RGS5: variants seen among roughly 807,000 people sequenced by gnomAD.
RGS5 encodes the protein regulator of G-protein signalling 5.
RGS5 carries 20 observed loss-of-function variants against 18.9 expected under a neutral mutation model. That is an observed-to-expected ratio of 1.06 (90% CI 0.74 to 1.54). RGS5 has a LOEUF of 1.54. Ranked by LOEUF, RGS5 falls within the 40% of genes most tolerant of loss-of-function variation. RGS5 has a pLI of 0.00. For synonymous variants in RGS5, 57 were observed against 76.2 expected (o/e 0.75, Z 1.31); for missense variants, 201 against 211.8 (o/e 0.95, Z 0.32).
intron 1 of RGS5, among the ~76,000 whole-genome samples, chr1:163,184,342 G>A (rs1271681891): frequency 6.6e-6 from 1 of 150,584 alleles, no homozygotes; most frequent in Non-Finnish European, 1.5e-5. Context: ...AAAAAGACCT[G>A]AGAACTTGGA....
chr1:163,174,198 C>G (rs1399494730), intron 1 of RGS5, among the ~76,000 whole-genome samples: 2 of 152,198 alleles, frequency 1.3e-5, no homozygotes, highest in African/African-American at 4.8e-5. Context: ...TCAGAGCCCT[C>G]TGAATTTTCC....
rs368605156 is a variant in RGS5, at chr1:163,222,885, G to A, written c.-280-54517C>T. On this transcript the variant is annotated intron_variant, in intron 2 of 5. Coordinates refer to the RGS5 transcript ENST00000618415. ...TATTTATTTATATATTTTTTAAGACGGCCTCACTCTGTCACCCAGGCTGGA... is the reference window on the plus strand; with the variant it reads ...TATTTATTTATATATTTTTTAAGACAGCCTCACTCTGTCACCCAGGCTGGA... 7.3e-5 allele frequency among the ~76,000 whole-genome samples: 11 copies of A among 151,648 alleles called. No homozygotes were observed. In the South Asian group the frequency reaches 1.7e-3, roughly 23 times the overall value.
intron 2 of RGS5, among the ~76,000 whole-genome samples, chr1:163,266,930 A>C (rs1157821693): frequency 2.6e-5 from 4 of 152,184 alleles, no homozygotes; most frequent in Non-Finnish European, 5.9e-5. Context: ...TGAGTGAAAT[A>C]ATATCATATT....
At chr1:163,243,786 G>A (rs555790889) in intron 2 of RGS5, among the ~76,000 whole-genome samples, 2 of 148,924 alleles carry the variant, frequency 1.3e-5, no homozygotes, top group East Asian at 2.0e-4. Flanking sequence ...AAAAAAAGAA[G>A]GAGGAGGCAT....
chr1:163,306,110 C>T (rs1649691281), intron 2 of RGS5: 1 of 152,152 alleles, frequency 6.6e-6, no homozygotes, highest in Admixed American at 6.5e-5. Flanking sequence ...CAATGCTATT[C>T]CGTTATTCTC....
At chr1:163,153,724 C>T (rs894497428) in intron 3 of RGS5, among the ~76,000 whole-genome samples, 1 of 151,248 alleles carries the variant, frequency 6.6e-6, no homozygotes, top group African/African-American at 2.4e-5. Flanking sequence ...AACTATAAGA[C>T]TAAAATTATA....
At chr1:163,151,799 A>C (rs1365508272) in intron 4 of RGS5, among the ~76,000 whole-genome samples, 1 of 152,178 alleles carries the variant, frequency 6.6e-6, no homozygotes, top group Non-Finnish European at 1.5e-5. Flanking sequence ...TAGCAGTGAG[A>C]GAAAGGAATA....
intron 1 of RGS5, among the ~76,000 whole-genome samples, chr1:163,202,308 TATTA>T (rs1659802978): frequency 6.6e-6 from 1 of 152,184 alleles, no homozygotes; most frequent in African/African-American, 2.4e-5. Flanking sequence ...GCTTCATATA[TATTA>T]ATTCATTCAG....
intron 2 of RGS5, among the ~76,000 whole-genome samples, chr1:163,242,408 T>G (rs56299625): frequency 0.021 from 3,172 of 152,276 alleles, 52 homozygotes; most frequent in Non-Finnish European, 0.029. Context: ...ATAAACCAGG[T>G]GTTCTCATGC....
rs530102471 is a variant in RGS5, at chr1:163,271,643, T to C, written c.-281+34590A>G. ...GTGTCACTCTTTTACTTTTCATTCCTGAGTAGTATTTTGTTGTTTGGACAC... is the reference window on the plus strand; with the variant it reads ...GTGTCACTCTTTTACTTTTCATTCCCGAGTAGTATTTTGTTGTTTGGACAC... On this transcript the variant is annotated intron_variant, in intron 2 of 5. Coordinates refer to the RGS5 transcript ENST00000618415. 4.6e-5 allele frequency among the ~76,000 whole-genome samples: 7 copies of C among 152,310 alleles called. No homozygotes were observed. In the South Asian group the frequency reaches 1.4e-3, roughly 32 times the overall value.
chr1:163,318,573 C>T (rs1027082269), intron 1 of RGS5, among the ~76,000 whole-genome samples: 2 of 151,918 alleles, frequency 1.3e-5, no homozygotes, highest in Admixed American at 1.3e-4. Context: ...AATCCATGAG[C>T]AAATAGGTTA....
intron 2 of RGS5, among the ~76,000 whole-genome samples, chr1:163,254,907 C>A (rs1451833042): frequency 6.6e-6 from 1 of 151,500 alleles, no homozygotes; most frequent in Non-Finnish European, 1.5e-5. Flanking sequence ...AATAGGGAAT[C>A]CTTTCCCCAT....
At chr1:163,283,656 CTT>C (rs1053349757) in intron 2 of RGS5, among the ~76,000 whole-genome samples, 1 of 152,094 alleles carries the variant, frequency 6.6e-6, no homozygotes, top group Non-Finnish European at 1.5e-5. Context: ...TTATTTAAGA[CTT>C]GATCTTCCAG....
chr1:163,202,074 G>T (rs1305403886), intron 1 of RGS5, among the ~76,000 whole-genome samples: 3 of 152,118 alleles, frequency 2.0e-5, no homozygotes, highest in Non-Finnish European at 4.4e-5. Flanking sequence ...AGATTTTGAT[G>T]CATTTGTCTG....
chr1:163,259,521 A>T (rs1648374001), intron 2 of RGS5, among the ~76,000 whole-genome samples: 1 of 152,144 alleles, frequency 6.6e-6, no homozygotes, highest in African/African-American at 2.4e-5. Context: ...ATCCATAAAC[A>T]ACTCACAATA....
At chr1:163,202,683 A>T in intron 1 of RGS5, 109 bp downstream of exon 1, 2 of 857,912 alleles carry the variant, frequency 2.3e-6, no homozygotes, top group Non-Finnish European at 3.8e-6. Context: ...CACCTGTTTC[A>T]CCTCAGCTTA....
rs193041401 is a variant in RGS5, at chr1:163,161,847, A to G, written c.217+68T>C. The G allele has an allele frequency of 5.0e-5, 61 of 1,213,660 alleles. No homozygotes were observed. In the East Asian group the frequency reaches 1.3e-3, roughly 26 times the overall value. 75.2% of individuals were successfully genotyped at this position (1,213,660 alleles called of 1,614,324 possible). On this transcript the variant is annotated intron_variant, in intron 3 of 4. Transcript: ENST00000313961. The stretch of plus-strand genomic sequence containing the variant: ...ATTGGGGAAGAAGAACACAGGTAAT[A>G]CAAAGATGTTTTTTGTTTCTGTCTC...
intron 2 of RGS5, among the ~76,000 whole-genome samples, chr1:163,226,427 G>A (rs990016553): frequency 6.6e-6 from 1 of 152,154 alleles, no homozygotes; most frequent in Non-Finnish European, 1.5e-5. Context: ...AAGTTTGAAT[G>A]AGTGGCCCCA....
At position 163,144,302 on chromosome 1, in the gene RGS5, A is replaced by G. The variant is rs1244230949; in HGVS notation, c.*3040T>C. ...CTGCTTTAACAAATAAACATGGAAC[A>G]TACGTCCTTAATTAACTGTGGAGTT... On this transcript the variant is annotated 3_prime_UTR_variant, in exon 5 of 5. Coordinates refer to ENST00000313961, the MANE Select transcript of RGS5 (RefSeq NM_003617.4). 6.6e-6 allele frequency: 1 copy of G among 152,118 alleles called. No homozygotes were observed. Among genetic ancestry groups the G allele is most frequent in the Admixed American group, 6.6e-5 (1 of 15,260 alleles). 9.4% of individuals were successfully genotyped at this position (152,118 alleles called of 1,614,324 possible).
Sources: allele counts gnomAD v4.1 joint callset (sites outside exome capture counted in the v4.1 genomes callset), GRCh38; gene constraint gnomAD v4.1.1; transcripts MANE v1.5; gene names NCBI Gene and HGNC (gene_info 2026-07-23, HGNC 2026-07-21).